The following AIFM3 variants were observed in gnomAD, a reference collection of about 807,000 sequenced individuals.
AIFM3 encodes the protein apoptosis-inducing factor 3.
AIFM3 carries 71 observed loss-of-function variants against 82.7 expected under a neutral mutation model. The ratio of observed to expected loss-of-function variants is 0.86; its 90% CI spans 0.71 to 1.05. The LOEUF is 1.05. Among genes scored for constraint, AIFM3 ranks in the 50% least tolerant of loss-of-function variants. AIFM3 has a pLI of 0.00. For missense variants in AIFM3, 748 were observed against 816.7 expected, an observed-to-expected ratio of 0.92 and a Z score of 1.03; for synonymous variants, 337 against 329.1, an observed-to-expected ratio of 1.02 and a Z score of -0.26.
chr22:20,977,920 A>T lies in AIFM3; in HGVS notation c.1392A>T (p.Ala464=), dbSNP rs1441921103. 6.2e-7 allele frequency: 1 copy of T among 1,614,052 alleles called. No homozygotes were observed. Among genetic ancestry groups the T allele is most frequent in the African/African-American group, 1.3e-5 (1 of 74,912 alleles). ...MMQTNVPGVF[A]AGDAVTFPLA... is the part of the protein sequence containing the mutation. ...AGACCAATGTCCCAGGCGTGTTTGC[A>T]GCTGGCGATGCTGTCACCTTCCCCC... Residue 464 remains alanine (A), a synonymous_variant, in exon 16 of 21, where the codon GCA becomes GCT. Coordinates refer to ENST00000440238, the MANE Select transcript of AIFM3 (RefSeq NM_001386814.1).
chr22:20,968,491 C>T lies in AIFM3; in HGVS notation c.31+516C>T, dbSNP rs149467334. On this transcript the variant is annotated intron_variant, in intron 2 of 20. Transcript: ENST00000440238. ...CCTCCTCTGATCCCCTGTGTGGTCT[C>T]GGGCTGCCTTCTTGGCCTTTCTGGG... Among the ~76,000 whole-genome samples, 771 of 151,112 alleles carry T rather than the reference C, an allele frequency of 5.1e-3. 6 individuals carry two copies. The highest frequency in any genetic ancestry group is 0.014 in the Middle Eastern group (4 of 290).
At position 20,976,529 on chromosome 22, in the gene AIFM3, G is replaced by A. The variant is rs140466618; in HGVS notation, c.1021G>A (p.Gly341Ser). ...RGRNVVVVGAGFLGMEVAAYL... is the reference protein window; with the variant it reads ...RGRNVVVVGASFLGMEVAAYL... ...CCGCAACGTGGTCGTCGTGGGAGCCGGCTTCCTGGGTGAGAGGTAGTGGGC... is the reference window on the plus strand; with the variant it reads ...CCGCAACGTGGTCGTCGTGGGAGCCAGCTTCCTGGGTGAGAGGTAGTGGGC... Residue 341 changes from glycine (G) to serine (S), a missense_variant, in exon 11 of 21, where the codon GGC (glycine) becomes AGC (serine). Transcript: ENST00000440238. The A allele has an allele frequency of 1.8e-3, 2,909 of 1,613,262 alleles. 8 individuals are homozygous for A. The highest frequency in any genetic ancestry group is 0.011 in the Middle Eastern group (69 of 6,062).
At chr22:20,980,902 C>A in intron 20 of AIFM3, 90 bp from the exon 21 acceptor site, 5 of 1,607,930 alleles carry the variant, frequency 3.1e-6, no homozygotes, top group African/African-American at 2.7e-5. Context: ...AACAGACCCC[C>A]TGCTGTCCTC....
At chr22:20,974,439 G>A in intron 6 of AIFM3, 86 bp from the exon 7 acceptor site, 3 of 1,561,190 alleles carry the variant, frequency 1.9e-6, no homozygotes, top group South Asian at 1.2e-5. Flanking sequence ...GTAGGGATGA[G>A]GCTGGGCTGG....
chr22:20,976,511 G>A lies in AIFM3; in HGVS notation c.1003G>A (p.Val335Met), dbSNP rs185338332. ...GGTGAGGCTGGCCCGAGGCCGCAAC[G>A]TGGTCGTCGTGGGAGCCGGCTTCCT... The part of the protein sequence containing the change: ...RVVRLARGRN[V>M]VVVGAGFLGM... Residue 335 changes from valine (V) to methionine (M), a missense_variant, in exon 11 of 21, where the codon GTG becomes ATG. By Grantham distance (21) the Val-to-Met change is conservative (BLOSUM62 1). This residue lies in a region of AIFM3 where 393 missense variants were observed against 481.1 expected (regional missense o/e 0.82). Transcript: ENST00000440238. 25 of 1,613,732 alleles carry A rather than the reference G, an allele frequency of 1.5e-5. No homozygotes were observed. The highest frequency in any genetic ancestry group is 1.6e-4 in the Middle Eastern group (1 of 6,062).
chr22:20,974,481 A>C (rs368597263), intron 6 of AIFM3, 44 bp from the exon 7 acceptor site: 23 of 1,588,766 alleles, frequency 1.4e-5, no homozygotes, highest in Non-Finnish European at 2.0e-5. Context: ...GGATGATGGC[A>C]TGCAGAGGAT....
Position 20,981,070 on chromosome 22 carries a change from C to T in AIFM3, c.*39C>T. On this transcript the variant is annotated 3_prime_UTR_variant, in exon 21 of 21. Coordinates refer to ENST00000440238, the MANE Select transcript of AIFM3 (RefSeq NM_001386814.1). ...AGACTTGGGCAGGCAAAGGGGGCAC[C>T]AAGGGCACAGGCCAAGCCTTGGGGG... 2 of 1,613,406 alleles carry T rather than the reference C, an allele frequency of 1.2e-6. No individual in the cohort carries two copies. Among genetic ancestry groups the T allele is most frequent in the Non-Finnish European group, 1.7e-6 (2 of 1,179,622 alleles).
At chr22:20,980,561 G>T in intron 19 of AIFM3, 186 bp from the exon 20 acceptor site, 1 of 712,690 alleles carries the variant, frequency 1.4e-6, no homozygotes, top group Non-Finnish European at 2.5e-6. Context: ...TCCTGGTGTG[G>T]TGTCAATGAG....
At chr22:20,974,901 G>T in intron 8 of AIFM3, 85 bp downstream of exon 8, 1 of 1,401,808 alleles carries the variant, frequency 7.1e-7, no homozygotes, top group Non-Finnish European at 9.9e-7. Context: ...CCCCATTGGG[G>T]TCTGGCCGGC....
chr22:20,977,592 T>A, intron 14 of AIFM3, 108 bp from the exon 15 acceptor site: 1 of 1,397,276 alleles, frequency 7.2e-7, no homozygotes, highest in Admixed American at 1.8e-5. Context: ...AGACAGCCCC[T>A]GGAGGATCAG....
At chr22:20,968,023 C>T (rs367705545) in intron 2 of AIFM3, 48 bp downstream of exon 2, 60 of 1,506,878 alleles carry the variant, frequency 4.0e-5, no homozygotes, top group Non-Finnish European at 5.1e-5. Flanking sequence ...CTCCCCGCCT[C>T]CTCCTCCCCC....
At position 20,974,178 on chromosome 22, in the gene AIFM3, G is replaced by A. The variant is rs1170720040; in HGVS notation, c.465+6G>A. The A allele has an allele frequency of 2.5e-6, 4 of 1,613,292 alleles. No individual in the cohort carries two copies. Among genetic ancestry groups the A allele is most frequent in the Non-Finnish European group, 3.4e-6 (4 of 1,179,846 alleles). On this transcript the variant is annotated splice_donor_region_variant and intron_variant, in intron 5 of 20. Coordinates refer to ENST00000440238, the MANE Select transcript of AIFM3 (RefSeq NM_001386814.1). Reference sequence around the variant, plus strand: ...ACAGTCTACACAAGTTCCAGGTGGGGCCAGGAGTGCGATGGGGTGGGAACC... The same window carrying A: ...ACAGTCTACACAAGTTCCAGGTGGGACCAGGAGTGCGATGGGGTGGGAACC...
chr22:20,974,704 G>T lies in AIFM3; in HGVS notation c.608G>T (p.Gly203Val), dbSNP rs1363472878. 1.9e-6 allele frequency: 3 copies of T among 1,614,060 alleles called. No homozygotes were observed. The Admixed American group carries it at 5.0e-5, about 27-fold the overall frequency. The change falls in exon 8 of 21, where the codon GGT becomes GTT. Residue 203 changes from glycine (G) to valine (V), a missense_variant and splice_region_variant. Around this residue, in one of 5 missense-constraint regions of AIFM3, gnomAD observed 393 missense variants for 481.1 expected, o/e 0.82. Coordinates refer to ENST00000440238, the MANE Select transcript of AIFM3 (RefSeq NM_001386814.1). ...CTGGCCCACGGGCCCCTCCCCTCAGGTGCAGCTGGCCTGGTGTGTGCAGAG... is the reference window on the plus strand; with the variant it reads ...CTGGCCCACGGGCCCCTCCCCTCAGTTGCAGCTGGCCTGGTGTGTGCAGAG... ...SSTNVLIVGA[G>V]AAGLVCAETL...
chr22:20,979,505 A>G, intron 17 of AIFM3, 122 bp from the exon 18 acceptor site: 1 of 1,480,920 alleles, frequency 6.8e-7, no homozygotes, highest in Non-Finnish European at 9.4e-7. Flanking sequence ...GCTGGCGGCA[A>G]GGCTACGAAC....
chr22:20,980,880 G>A (rs1924066208), intron 20 of AIFM3, 112 bp from the exon 21 acceptor site: 2 of 1,608,080 alleles, frequency 1.2e-6, no homozygotes, highest in Non-Finnish European at 1.7e-6. Context: ...TGGGCACTAG[G>A]GTCTGGCACA....
rs1373983812 is a variant in AIFM3 at position 20,976,893 on chromosome 22, C to T, written c.1173C>T (p.Phe391=). The T allele has an allele frequency of 4.4e-6, 7 of 1,606,954 alleles. No individual in the cohort carries two copies. Among genetic ancestry groups the T allele is most frequent in the African/African-American group, 1.3e-5 (1 of 74,776 alleles). The change falls in exon 13 of 21, where the codon TTC becomes TTT. Residue 391 remains phenylalanine, a synonymous_variant. Transcript: ENST00000440238. ...TGTTTGAGAACAACCGGGTGAAGTT[C>T]TACATGCAGACGGAGGTGTCTGAGC... The part of the protein sequence containing the change: ...MKMFENNRVK[F]YMQTEVSELR...
At chr22:20,970,676 G>A (rs994730899) in intron 2 of AIFM3, among the ~76,000 whole-genome samples, 1 of 152,168 alleles carries the variant, frequency 6.6e-6, no homozygotes, top group African/African-American at 2.4e-5. Flanking sequence ...GGCCAGGCTG[G>A]TCTCGAACTC....
Position 20,973,454 on chromosome 22 carries a change from C to G in AIFM3, c.179C>G (p.Pro60Arg), listed in dbSNP as rs1923403744. Residue 60 changes from proline to arginine, a missense_variant, in exon 3 of 21, where the codon CCC becomes CGC. Physicochemically the swap from Pro to Arg is moderately radical, Grantham distance 103. Transcript: ENST00000440238. ...HTEERLSTPH[P>R]YPSPQDCVEA... ...GAGGAGCGCCTGTCCACCCCTCACC[C>G]CTACCCCAGCCCTCAGGATTGCGTG... The G allele has an allele frequency of 1.2e-6, 2 of 1,613,080 alleles. No homozygotes were observed. Among genetic ancestry groups the G allele is most frequent in the African/African-American group, 1.3e-5 (1 of 74,932 alleles).
Position 20,967,587 on chromosome 22 carries a change from C to T in AIFM3, c.-140-218C>T, listed in dbSNP as rs143283772. 118 of 322,940 alleles carry T rather than the reference C, an allele frequency of 3.7e-4. 1 individual carries two copies. Among genetic ancestry groups the T allele is most frequent in the African/African-American group, 2.2e-3 (105 of 46,742 alleles). 20.0% of individuals were successfully genotyped at this position (322,940 alleles called of 1,614,324 possible). A position where few individuals can be genotyped will look rare whatever the true frequency, so the allele number is the denominator to read the frequency against. The stretch of plus-strand genomic sequence containing the variant: ...GGCTGGACGATGGGCGGCCGAGGTT[C>T]GGGCAGAGGAACTCCACTGGAGGAG... On this transcript the variant is annotated intron_variant, in intron 1 of 20. Coordinates refer to ENST00000440238, the MANE Select transcript of AIFM3 (RefSeq NM_001386814.1).
Sources: allele counts gnomAD v4.1 joint callset (sites outside exome capture counted in the v4.1 genomes callset), GRCh38; gene constraint gnomAD v4.1.1; regional missense constraint gnomAD v4.1.1; transcripts MANE v1.5; gene names NCBI Gene and HGNC (gene_info 2026-07-23, HGNC 2026-07-21).